SGCZ: variants seen among roughly 807,000 people sequenced by gnomAD.
The protein encoded by SGCZ is zeta-sarcoglycan.
A neutral mutation model predicts 41.3 loss-of-function variants in SGCZ; 40 were observed. The ratio of observed to expected loss-of-function variants is 0.97; its 90% confidence interval spans 0.75 to 1.26. SGCZ has a LOEUF of 1.26. SGCZ is among the 50% of genes most tolerant of loss of function. SGCZ has a pLI of 0.00. For missense variants in SGCZ, 552 were observed against 369.8 expected, an observed-to-expected ratio of 1.49 and a Z score of -4.04; for synonymous variants, 206 against 137.5, an observed-to-expected ratio of 1.50 and a Z score of -3.49.
At chr8:15,165,532 C>G (rs1799641448) in intron 1 of SGCZ, among the ~76,000 whole-genome samples, 4 of 152,156 alleles carry the variant, frequency 2.6e-5, no homozygotes, top group Admixed American at 6.5e-5. Flanking sequence ...ACATATGGAA[C>G]TAACTACCCC....
intron 2 of SGCZ, among the ~76,000 whole-genome samples, chr8:14,371,899 G>C (rs1297175028): frequency 1.3e-5 from 2 of 152,092 alleles, no homozygotes; most frequent in Non-Finnish European, 2.9e-5. Context: ...GAGGGTTAAA[G>C]AAGATGGAGA....
intron 1 of SGCZ, chr8:14,690,568 T>C (rs1808766526): frequency 1.3e-5 from 2 of 152,180 alleles, no homozygotes; most frequent in Admixed American, 1.3e-4. Context: ...AATGACACCA[T>C]GAAAGCTTAG....
chr8:14,931,205 G>T (rs923572904), intron 1 of SGCZ, among the ~76,000 whole-genome samples: 4 of 151,730 alleles, frequency 2.6e-5, no homozygotes, highest in African/African-American at 9.7e-5. Context: ...TACATAATCT[G>T]CACTTACCAT....
chr8:14,307,043 A>T (rs1339175556), intron 3 of SGCZ, among the ~76,000 whole-genome samples: 1 of 152,196 alleles, frequency 6.6e-6, no homozygotes, highest in East Asian at 1.9e-4. Flanking sequence ...CATTTCAAGA[A>T]ATGGGAAAGA....
chr8:14,704,713 G>T (rs895785085), intron 1 of SGCZ, among the ~76,000 whole-genome samples: 2 of 151,764 alleles, frequency 1.3e-5, no homozygotes, highest in Non-Finnish European at 2.9e-5. Context: ...GCTTGACTCA[G>T]TTTATTAAGT....
At chr8:14,135,986 T>C (rs566098406) in intron 5 of SGCZ, among the ~76,000 whole-genome samples, 20 of 152,324 alleles carry the variant, frequency 1.3e-4, no homozygotes, top group African/African-American at 4.8e-4. Flanking sequence ...AGATTGGTAG[T>C]ACCCTCATAC....
At chr8:14,728,777 A>G (rs1348818685) in intron 1 of SGCZ, among the ~76,000 whole-genome samples, 2 of 152,214 alleles carry the variant, frequency 1.3e-5, no homozygotes, top group Non-Finnish European at 2.9e-5. Flanking sequence ...CTAAGAAATT[A>G]AATGGTCACT....
intron 2 of SGCZ, among the ~76,000 whole-genome samples, chr8:14,489,868 T>A (rs1333941153): frequency 7.8e-6 from 1 of 128,316 alleles, no homozygotes; most frequent in Non-Finnish European, 1.6e-5. Flanking sequence ...TTCTCCTACC[T>A]TTTTTTTTTT....
At chr8:14,539,828 G>A (rs1207957343) in intron 2 of SGCZ, among the ~76,000 whole-genome samples, 3 of 151,892 alleles carry the variant, frequency 2.0e-5, no homozygotes, top group Non-Finnish European at 4.4e-5. Flanking sequence ...GTTTGCTAAG[G>A]ATAATGGCCT....
chr8:15,006,948 T>C (rs897524220), intron 1 of SGCZ, among the ~76,000 whole-genome samples: 3 of 152,200 alleles, frequency 2.0e-5, no homozygotes, highest in Non-Finnish European at 4.4e-5. Flanking sequence ...TGCTGTGCCA[T>C]GCATTTGAAG....
At chr8:14,928,785 G>C (rs1195382139) in intron 1 of SGCZ, among the ~76,000 whole-genome samples, 1 of 152,084 alleles carries the variant, frequency 6.6e-6, no homozygotes, top group Non-Finnish European at 1.5e-5. Context: ...AATTGTGACA[G>C]CTTTGCGTAT....
chr8:14,707,587 G>T (rs548111139), intron 1 of SGCZ, among the ~76,000 whole-genome samples: 231 of 152,082 alleles, frequency 1.5e-3, no homozygotes, highest in South Asian at 4.3e-3. Context: ...TGGTGATTTG[G>T]TTTTTATCTT....
At chr8:15,147,574 G>A (rs538751404) in intron 1 of SGCZ, among the ~76,000 whole-genome samples, 7 of 152,274 alleles carry the variant, frequency 4.6e-5, no homozygotes, top group Admixed American at 1.3e-4. Context: ...TGCCGTACCC[G>A]GCTGACACTT....
intron 4 of SGCZ, among the ~76,000 whole-genome samples, chr8:14,234,632 G>A (rs1486368156): frequency 1.3e-5 from 2 of 151,868 alleles, no homozygotes; most frequent in Non-Finnish European, 2.9e-5. Flanking sequence ...ATAGTATCAT[G>A]ACTGTACTAT....
intron 1 of SGCZ, among the ~76,000 whole-genome samples, chr8:14,573,236 C>G (rs924029477): frequency 7.6e-6 from 1 of 131,250 alleles, no homozygotes; most frequent in Admixed American, 9.3e-5. Flanking sequence ...CTCGCTCTGT[C>G]GCCCAGGCTG....
intron 5 of SGCZ, among the ~76,000 whole-genome samples, chr8:14,146,884 TA>T (rs1278922368): frequency 4.3e-5 from 5 of 115,818 alleles, no homozygotes; most frequent in African/African-American, 2.1e-4. Context: ...AAAATAAAAA[TA>T]AAAAAAATAA....
chr8:15,209,538 A>AAAACAATG lies in SGCZ; in HGVS notation c.39+28046_39+28047insCATTGTTT, dbSNP rs1554478061. ...AGCTTGTGTTAAATACCTAAGTATA[A>AAAACAATG]AAAGAATGAAAGAGAAAAGAAGCCA... On this transcript the variant is annotated intron_variant, in intron 1 of 7. Transcript: ENST00000382080. Among the ~76,000 whole-genome samples, 3 of 150,734 alleles carry AAAACAATG rather than the reference A, an allele frequency of 2.0e-5. 1 individual carries two copies. The highest frequency in any genetic ancestry group is 7.3e-5 in the African/African-American group (3 of 40,848).
chr8:14,265,004 C>G (rs1000206559), intron 3 of SGCZ, among the ~76,000 whole-genome samples: 17 of 152,012 alleles, frequency 1.1e-4, no homozygotes, highest in East Asian at 1.9e-4. Context: ...AACAAAAAAA[C>G]ACGCCAGATG....
intron 5 of SGCZ, among the ~76,000 whole-genome samples, chr8:14,140,839 A>G (rs1041006338): frequency 6.6e-6 from 1 of 152,170 alleles, no homozygotes; most frequent in Admixed American, 6.5e-5. Flanking sequence ...TTCATATGGA[A>G]CCAAAAAAGA....
Sources: gnomAD v4.1 joint callset for allele counts (sites outside exome capture counted in the v4.1 genomes callset) on GRCh38, gnomAD v4.1.1 for gene constraint, MANE v1.5 for transcripts, NCBI Gene and HGNC (gene_info 2026-07-23, HGNC 2026-07-21) for gene names.